The following CUX1 variants were observed in gnomAD, a reference collection of about 807,000 sequenced individuals.
The protein encoded by CUX1 is cut like homeobox 1, also known as protein CASP.
CUX1 carries 31 observed loss-of-function variants against 158.8 expected under a neutral mutation model. That is an observed-to-expected ratio of 0.20 (90% CI 0.15 to 0.26). CUX1 has a LOEUF of 0.26. Among genes scored for constraint, CUX1 ranks in the 10% least tolerant of loss-of-function variants. The pLI is 1.00. For missense variants in CUX1, 1,589 were observed against 2,014.6 expected (o/e 0.79, Z 4.04); for synonymous variants, 879 against 862.1 (o/e 1.02, Z -0.34).
exon 18 of CUX1, chr7:102,278,050 G>A (rs1252393665): frequency 6.2e-7 from 1 of 1,610,510 alleles, no homozygotes; most frequent in Non-Finnish European, 8.5e-7. Context: ...AGTTCCTGCA[G>A]AGCTACCCTG....
intron 3 of CUX1, among the ~76,000 whole-genome samples, chr7:102,052,301 C>T (rs1463533253): frequency 6.6e-6 from 1 of 152,126 alleles, no homozygotes; most frequent in Admixed American, 6.6e-5. Flanking sequence ...CCATGAATCC[C>T]CCTTCTGTAG....
At chr7:102,191,774 C>G (rs1554517056) in intron 12 of CUX1, among the ~76,000 whole-genome samples, 3 of 151,502 alleles carry the variant, frequency 2.0e-5, no homozygotes, top group African/African-American at 4.8e-5. Context: ...TCTTCCTCTT[C>G]CTCTTCTTCT....
intron 1 of CUX1, among the ~76,000 whole-genome samples, chr7:101,881,096 G>C (rs1799659253): frequency 6.6e-6 from 1 of 151,954 alleles, no homozygotes; most frequent in Non-Finnish European, 1.5e-5. Context: ...CAATTCTTTT[G>C]AAACATCAGT....
chr7:101,991,544 AG>A (rs1427357993), intron 2 of CUX1, among the ~76,000 whole-genome samples: 4 of 152,122 alleles, frequency 2.6e-5, no homozygotes, highest in Non-Finnish European at 4.4e-5. Context: ...GGATCACTTG[AG>A]GTCAGGAGTT....
chr7:101,987,600 T>C (rs1425756895), intron 2 of CUX1, among the ~76,000 whole-genome samples: 2 of 152,264 alleles, frequency 1.3e-5, no homozygotes, highest in Non-Finnish European at 1.5e-5. Context: ...ATAAGCCTGC[T>C]GACTCACCGC....
At chr7:102,128,651 G>C (rs1832903209) in intron 8 of CUX1, among the ~76,000 whole-genome samples, 1 of 151,800 alleles carries the variant, frequency 6.6e-6, no homozygotes, top group East Asian at 1.9e-4. Context: ...CCTCAAGCAG[G>C]GCAGGAGGTT....
At chr7:101,953,357 T>G (rs1471766989) in intron 2 of CUX1, among the ~76,000 whole-genome samples, 2 of 152,204 alleles carry the variant, frequency 1.3e-5, no homozygotes, top group African/African-American at 4.8e-5. Context: ...GCCCTCATAA[T>G]TGGTGGCTTC....
At chr7:101,863,325 T>G (rs1797647934) in intron 1 of CUX1, among the ~76,000 whole-genome samples, 1 of 152,010 alleles carries the variant, frequency 6.6e-6, no homozygotes, top group African/African-American at 2.4e-5. Flanking sequence ...CATGTGTCTT[T>G]GTCTTTTGAG....
intron 2 of CUX1, among the ~76,000 whole-genome samples, chr7:101,920,120 TTA>T (rs1804732906): frequency 8.2e-6 from 1 of 122,418 alleles, no homozygotes; most frequent in African/African-American, 3.6e-5. Flanking sequence ...TATTTTATTT[TTA>T]TGTGTTTTTT....
At chr7:101,941,127 G>A (rs1362019507) in intron 2 of CUX1, among the ~76,000 whole-genome samples, 2 of 152,234 alleles carry the variant, frequency 1.3e-5, no homozygotes, top group South Asian at 2.1e-4. Flanking sequence ...TTCCATGGAC[G>A]CAGCCAGCCG....
intron 4 of CUX1, among the ~76,000 whole-genome samples, chr7:102,077,876 ATT>A (rs5886215): frequency 1.3e-3 from 193 of 144,032 alleles, no homozygotes; most frequent in South Asian, 1.8e-3. Context: ...GATACTTTTC[ATT>A]TTTTTTTTTT....
intron 20 of CUX1, among the ~76,000 whole-genome samples, chr7:102,216,671 ACACACACACACTCCCC>A (rs1563426121): frequency 2.2e-5 from 1 of 46,390 alleles, no homozygotes; most frequent in Non-Finnish European, 4.5e-5. Flanking sequence ...ACACACACTC[ACACACACACACTCCCC>A]CACACACACT....
intron 3 of CUX1, among the ~76,000 whole-genome samples, chr7:102,044,182 CGTTTTTTT>C (rs1457634810): frequency 6.7e-6 from 1 of 148,390 alleles, no homozygotes; most frequent in African/African-American, 2.5e-5. Flanking sequence ...GCCCATTTTC[CGTTTTTTT>C]GTTTTTTTTG....
chr7:102,162,799 A>T (rs1554507609), intron 9 of CUX1, among the ~76,000 whole-genome samples: 1 of 152,152 alleles, frequency 6.6e-6, no homozygotes, highest in African/African-American at 2.4e-5. Flanking sequence ...TACAGGCATC[A>T]GCCACCATGC....
chr7:102,081,671 C>T lies in CUX1; in HGVS notation c.268+11254C>T, dbSNP rs192479012. On this transcript the variant is annotated intron_variant, in intron 4 of 23. Transcript: ENST00000292535. ...TTTTTTTGAGATGGAGTCTCACCAT[C>T]GCCCAAGCTGGAGTGCAGTGGCATA... 3.4e-5 allele frequency among the ~76,000 whole-genome samples: 5 copies of T among 146,500 alleles called. No individual in the cohort carries two copies. The East Asian group carries it at 7.8e-4, about 23-fold the overall frequency.
At chr7:102,258,294 C>A, downstream of CUX1, 1 of 644,402 alleles carries the variant, frequency 1.6e-6, no homozygotes, top group Non-Finnish European at 1.9e-6. Flanking sequence ...CAAACACTGT[C>A]ATTCGAGGTC....
chr7:102,127,597 C>T (rs1355714342), intron 8 of CUX1, among the ~76,000 whole-genome samples: 2 of 151,404 alleles, frequency 1.3e-5, no homozygotes, highest in Non-Finnish European at 2.9e-5. Context: ...TTTTACCTGA[C>T]ATGTTGTAAA....
chr7:102,262,850 GC>G (rs1476612526), downstream of CUX1, among the ~76,000 whole-genome samples: 1 of 152,158 alleles, frequency 6.6e-6, no homozygotes, highest in Non-Finnish European at 1.5e-5. Context: ...CTGACCGTGG[GC>G]CGCTGCCTTA....
chr7:102,242,370 C>T (rs1165791811), intron 23 of CUX1, among the ~76,000 whole-genome samples: 5 of 151,988 alleles, frequency 3.3e-5, no homozygotes, highest in Admixed American at 2.0e-4. Context: ...CCACCATGCC[C>T]GGCTAATTTT....
Sources: gnomAD v4.1 joint callset for allele counts (sites outside exome capture counted in the v4.1 genomes callset) on GRCh38, gnomAD v4.1.1 for gene constraint, MANE v1.5 for transcripts, NCBI Gene and HGNC (gene_info 2026-07-23, HGNC 2026-07-21) for gene names.